TBX15: variants seen among roughly 807,000 people sequenced by gnomAD.
TBX15 encodes the protein T-box transcription factor TBX15.
TBX15 carries 18 observed loss-of-function variants against 53.9 expected under a neutral mutation model. That is an observed-to-expected ratio of 0.33 (90% CI 0.23 to 0.49). The LOEUF (loss-of-function observed/expected upper bound fraction) is 0.49. Among genes scored for constraint, TBX15 ranks in the 20% least tolerant of loss-of-function variants. The pLI is 0.98. For missense variants in TBX15, 692 were observed against 749.5 expected, an observed-to-expected ratio of 0.92 and a Z score of 0.90; for synonymous variants, 295 against 278.0, an observed-to-expected ratio of 1.06 and a Z score of -0.61.
At chr1:118,970,922 G>A (rs1344289805) in intron 1 of TBX15, among the ~76,000 whole-genome samples, 1 of 152,172 alleles carries the variant, frequency 6.6e-6, no homozygotes, top group African/African-American at 2.4e-5. Flanking sequence ...AAAAATTTCT[G>A]TCATTCTGCT....
Position 118,931,523 on chromosome 1 carries a change from T to C in TBX15, c.419+96A>G, listed in dbSNP as rs1655778409. 5.2e-6 allele frequency: 7 copies of C among 1,353,236 alleles called. No individual in the cohort carries two copies. In the Admixed American group the frequency reaches 9.7e-5, roughly 19 times the overall value. The allele number at this position is 1,353,236 out of a possible 1,614,324, so 83.8% of individuals were successfully genotyped here. On this transcript the variant is annotated intron_variant, in intron 2 of 7. Transcript: ENST00000369429. ...GTGAGTGCAAGCTGCTTTGGTTTTGTTGATGCCATCACAAATAAATAAGAA... is the reference window on the plus strand; with the variant it reads ...GTGAGTGCAAGCTGCTTTGGTTTTGCTGATGCCATCACAAATAAATAAGAA...
chr1:118,970,719 T>C (rs973954467), intron 1 of TBX15, among the ~76,000 whole-genome samples: 3 of 152,206 alleles, frequency 2.0e-5, no homozygotes, highest in Admixed American at 6.5e-5. Flanking sequence ...AGTTTTTTAA[T>C]GCATTCTCAC....
intron 1 of TBX15, among the ~76,000 whole-genome samples, chr1:118,966,349 G>A (rs548179012): frequency 2.6e-5 from 4 of 152,312 alleles, no homozygotes; most frequent in Admixed American, 6.5e-5. Flanking sequence ...CTGCTGGGCA[G>A]CAGCTGAAGA....
intron 7 of TBX15, among the ~76,000 whole-genome samples, chr1:118,895,966 G>A (rs2101486973): frequency 6.6e-6 from 1 of 152,344 alleles, no homozygotes; most frequent in Admixed American, 6.5e-5. Context: ...CTTAACTACA[G>A]ATATGATACT....
chr1:118,898,956 G>A (rs1654519224), intron 7 of TBX15, 72 bp downstream of exon 7: 1 of 1,461,434 alleles, frequency 6.8e-7, no homozygotes, highest in Admixed American at 1.7e-5. Flanking sequence ...GGCCAGATGT[G>A]CTATATTCGG....
intron 6 of TBX15, among the ~76,000 whole-genome samples, chr1:118,908,479 C>A (rs114110594): frequency 2.0e-5 from 3 of 152,102 alleles, no homozygotes; most frequent in South Asian, 2.1e-4. Context: ...CCAGAGGCAA[C>A]CCTGGATATT....
intron 7 of TBX15, among the ~76,000 whole-genome samples, chr1:118,893,481 GGAAGGAAAGAAA>G (rs1156687125): frequency 1.1e-4 from 9 of 83,886 alleles, no homozygotes; most frequent in Admixed American, 5.6e-4. Flanking sequence ...AAGGAAGGAA[GGAAGGAAAGAAA>G]GAAAGAAAGA....
intron 5 of TBX15, among the ~76,000 whole-genome samples, chr1:118,923,124 T>C (rs970441900): frequency 2.6e-5 from 4 of 151,910 alleles, no homozygotes; most frequent in African/African-American, 7.3e-5. Flanking sequence ...GTTTTCTGTA[T>C]GGACCCTCCA....
chr1:118,945,249 G>A (rs1342250728), intron 1 of TBX15, among the ~76,000 whole-genome samples: 1 of 152,176 alleles, frequency 6.6e-6, no homozygotes, highest in East Asian at 1.9e-4. Context: ...CAGTGTATAA[G>A]AATTCATTTC....
chr1:118,895,050 T>C (rs1466777254), intron 7 of TBX15, among the ~76,000 whole-genome samples: 1 of 152,224 alleles, frequency 6.6e-6, no homozygotes. Flanking sequence ...CAATGGCTCA[T>C]GTCCACTAAA....
intron 5 of TBX15, among the ~76,000 whole-genome samples, chr1:118,920,594 T>A (rs1655393654): frequency 6.6e-6 from 1 of 152,060 alleles, no homozygotes; most frequent in Admixed American, 6.5e-5. Flanking sequence ...AGCACTTGAC[T>A]CCCTAGGCAC....
intron 1 of TBX15, among the ~76,000 whole-genome samples, chr1:118,974,050 C>G (rs1472210978): frequency 1.3e-5 from 2 of 152,338 alleles, no homozygotes; most frequent in Middle Eastern, 3.4e-3. Context: ...CAAGGCCTGG[C>G]TGGTTGCATA....
chr1:118,973,956 T>C (rs747384889), intron 1 of TBX15, among the ~76,000 whole-genome samples: 33 of 152,214 alleles, frequency 2.2e-4, no homozygotes, highest in Admixed American at 6.5e-4. Context: ...AACGCACAGT[T>C]GTACCAGATG....
chr1:118,943,964 C>A (rs1394043191), intron 1 of TBX15, among the ~76,000 whole-genome samples: 1 of 152,108 alleles, frequency 6.6e-6, no homozygotes, highest in African/African-American at 2.4e-5. Context: ...AACTTCACCT[C>A]ATCCACCATC....
In TBX15 at chr1:118,913,938, G is replaced by C. The variant is rs188180847; in HGVS notation, c.926+177C>G. ...ATGAGGGATTTGATCTGGTGATTTA[G>C]ACTATGCAACAAAGAATTTGATTCT... On this transcript the variant is annotated intron_variant, in intron 6 of 7. Transcript: ENST00000369429. Among the ~76,000 whole-genome samples, 290 of 152,318 alleles carry C rather than the reference G, an allele frequency of 1.9e-3. 1 individual carries two copies. The highest frequency in any genetic ancestry group is 6.4e-3 in the African/African-American group (266 of 41,570).
At chr1:118,914,262 T>A in intron 5 of TBX15, 83 bp from the exon 6 acceptor site, 1 of 1,256,392 alleles carries the variant, frequency 8.0e-7, no homozygotes, top group South Asian at 1.3e-5. Context: ...CAAAAATCAC[T>A]TTTTTAATAA....
intron 1 of TBX15, among the ~76,000 whole-genome samples, chr1:118,976,641 C>T (rs1303490165): frequency 2.6e-5 from 4 of 152,176 alleles, no homozygotes; most frequent in African/African-American, 7.2e-5. Context: ...CTGCTCACCC[C>T]CTCTTCCTAC....
intron 1 of TBX15, among the ~76,000 whole-genome samples, chr1:118,979,405 A>G (rs934875270): frequency 2.6e-4 from 39 of 151,888 alleles, no homozygotes; most frequent in African/African-American, 8.2e-4. Flanking sequence ...TAGCTACGAT[A>G]TATACTGACC....
chr1:118,949,340 G>A (rs1656442894), intron 1 of TBX15, among the ~76,000 whole-genome samples: 1 of 152,154 alleles, frequency 6.6e-6, no homozygotes, highest in South Asian at 2.1e-4. Context: ...TTTTCCAGAG[G>A]CATCTGAGAG....
Sources: gnomAD v4.1 joint callset for allele counts (sites outside exome capture counted in the v4.1 genomes callset) on GRCh38, gnomAD v4.1.1 for gene constraint, MANE v1.5 for transcripts, NCBI Gene and HGNC (gene_info 2026-07-23, HGNC 2026-07-21) for gene names.